The following CSMD1 variants were observed in gnomAD, a reference collection of about 807,000 sequenced individuals.
CSMD1 encodes CUB and Sushi multiple domains 1.
A neutral mutation model predicts 417.5 loss-of-function variants in CSMD1; 213 were observed. The observed-to-expected ratio is 0.51, with a 90% CI of 0.46 to 0.57. The LOEUF (loss-of-function observed/expected upper bound fraction) is 0.57, where lower values mean the gene tolerates loss of function less well. CSMD1 is among the 20% of genes least tolerant of loss of function. The pLI, the probability that CSMD1 is intolerant of heterozygous loss-of-function variation, is 0.00. For missense variants in CSMD1, 6,923 were observed against 4,529.7 expected, an observed-to-expected ratio of 1.53 and a Z score of -15.17; for synonymous variants, 2,862 against 1,736.8, an observed-to-expected ratio of 1.65 and a Z score of -16.11.
rs868525490 is a variant in CSMD1, at chr8:4,401,931, C to G, written c.415+18022G>C. Among the ~76,000 whole-genome samples, 4 of 152,010 alleles carry G rather than the reference C, an allele frequency of 2.6e-5. No individual in the cohort carries two copies. The South Asian group carries it at 6.2e-4, about 24-fold the overall frequency. On this transcript the variant is annotated intron_variant, in intron 3 of 69. Coordinates refer to ENST00000635120, the MANE Select transcript of CSMD1 (RefSeq NM_033225.6). Reference sequence around the variant, plus strand: ...GATCCTCTTATTGAAGCCATCCATCCCACCCTGCTCTCCCGTGCATTTGAT... The same window carrying G: ...GATCCTCTTATTGAAGCCATCCATCGCACCCTGCTCTCCCGTGCATTTGAT...
At chr8:4,323,035 G>A (rs781108862) in intron 3 of CSMD1, among the ~76,000 whole-genome samples, 1 of 152,180 alleles carries the variant, frequency 6.6e-6, no homozygotes, top group Admixed American at 6.5e-5. Flanking sequence ...AGGAATCTGA[G>A]AATAGAAAGA....
rs536486583 is a variant in CSMD1 at position 4,184,328 on chromosome 8, T to G, written c.416-152229A>C. On this transcript the variant is annotated intron_variant, in intron 3 of 69. Coordinates refer to ENST00000635120, the MANE Select transcript of CSMD1 (RefSeq NM_033225.6). Reference sequence around the variant, plus strand: ...TGAGGCTAACTCTTAAACATGAGTTTTAGACAAGTCATTAGTCATCAACAC... The same window carrying G: ...TGAGGCTAACTCTTAAACATGAGTTGTAGACAAGTCATTAGTCATCAACAC... 3.3e-5 allele frequency among the ~76,000 whole-genome samples: 5 copies of G among 152,284 alleles called. No homozygotes were observed. The East Asian group carries it at 9.7e-4, about 29-fold the overall frequency.
At chr8:3,868,060 C>A (rs1805228971) in intron 5 of CSMD1, among the ~76,000 whole-genome samples, 1 of 152,146 alleles carries the variant, frequency 6.6e-6, no homozygotes, top group Non-Finnish European at 1.5e-5. Flanking sequence ...GTCCCTATCA[C>A]CCATTGCCAT....
At chr8:4,387,949 T>C (rs1803567848) in intron 3 of CSMD1, among the ~76,000 whole-genome samples, 1 of 152,060 alleles carries the variant, frequency 6.6e-6, no homozygotes, top group African/African-American at 2.4e-5. Flanking sequence ...GGATTTCATG[T>C]CTGGTAATTT....
intron 1 of CSMD1, among the ~76,000 whole-genome samples, chr8:4,780,144 T>C (rs932132090): frequency 6.6e-6 from 1 of 152,182 alleles, no homozygotes; most frequent in African/African-American, 2.4e-5. Context: ...ACTTGTGCCA[T>C]AATTGGCCAG....
At chr8:4,156,572 C>T (rs980627562) in intron 3 of CSMD1, among the ~76,000 whole-genome samples, 2 of 152,048 alleles carry the variant, frequency 1.3e-5, no homozygotes, top group East Asian at 3.9e-4. Context: ...CTTCTATCCA[C>T]ATACCCAAAA....
intron 12 of CSMD1, among the ~76,000 whole-genome samples, chr8:3,429,148 T>C (rs1036019944): frequency 6.6e-6 from 1 of 152,186 alleles, no homozygotes; most frequent in Admixed American, 6.5e-5. Flanking sequence ...TTAACAATAT[T>C]GCATGGTATA....
chr8:3,352,665 C>A (rs891222454), intron 21 of CSMD1, among the ~76,000 whole-genome samples: 3 of 152,054 alleles, frequency 2.0e-5, no homozygotes, highest in Non-Finnish European at 4.4e-5. Flanking sequence ...CATGGTGAAA[C>A]CCTATCTCTA....
chr8:4,374,806 G>T (rs1015834427), intron 3 of CSMD1, among the ~76,000 whole-genome samples: 2 of 152,082 alleles, frequency 1.3e-5, no homozygotes, highest in African/African-American at 2.4e-5. Context: ...GGAGAGGATG[G>T]CAGGAAAACG....
At chr8:4,253,450 G>A (rs567735099) in intron 3 of CSMD1, among the ~76,000 whole-genome samples, 2 of 151,956 alleles carry the variant, frequency 1.3e-5, no homozygotes, top group Admixed American at 6.6e-5. Flanking sequence ...CACCATATCA[G>A]GACCTAATAA....
At chr8:3,819,684 T>C (rs1320436657) in intron 5 of CSMD1, among the ~76,000 whole-genome samples, 3 of 152,122 alleles carry the variant, frequency 2.0e-5, no homozygotes, top group Non-Finnish European at 2.9e-5. Flanking sequence ...ACTGGGGGTC[T>C]TAGGTGATCC....
chr8:4,360,948 G>A (rs1049178811), intron 3 of CSMD1, among the ~76,000 whole-genome samples: 1 of 152,076 alleles, frequency 6.6e-6, no homozygotes, highest in Admixed American at 6.6e-5. Flanking sequence ...ATCATTTCAT[G>A]GGACTTGAGG....
At chr8:3,973,325 G>A (rs1338507984) in intron 5 of CSMD1, among the ~76,000 whole-genome samples, 3 of 152,104 alleles carry the variant, frequency 2.0e-5, no homozygotes, top group Non-Finnish European at 4.4e-5. Flanking sequence ...TTGAATGTCT[G>A]CACTCTGCTT....
At chr8:4,404,335 G>A (rs939626935) in intron 3 of CSMD1, among the ~76,000 whole-genome samples, 5 of 152,072 alleles carry the variant, frequency 3.3e-5, no homozygotes, top group East Asian at 1.9e-4. Context: ...TTTCTCCACT[G>A]GAATTAAGAC....
At position 4,144,547 on chromosome 8, in the gene CSMD1, TAG is replaced by T. The variant is rs1444818386; in HGVS notation, c.416-112450_416-112449del. Among the ~76,000 whole-genome samples, 5 of 151,126 alleles carry T rather than the reference TAG, an allele frequency of 3.3e-5. 1 individual carries two copies. Among genetic ancestry groups the T allele is most frequent in the African/African-American group, 1.2e-4 (5 of 40,446 alleles). ...TTACCCCTTCCCTCCAGAATCTGGT[TAG>T]AGTCTCCTAATTGTTATCTGGATTG... On this transcript the variant is annotated intron_variant, in intron 3 of 69. Transcript: ENST00000635120.
At position 4,180,182 on chromosome 8, in the gene CSMD1, G is replaced by A. The variant is rs1398049875; in HGVS notation, c.416-148083C>T. ...GCAAAGACTTGGAACCAACCCAAAT[G>A]TCCAACAATGATAGACTGGATTAAG... On this transcript the variant is annotated intron_variant, in intron 3 of 69. Coordinates refer to ENST00000635120, the MANE Select transcript of CSMD1 (RefSeq NM_033225.6). Among the ~76,000 whole-genome samples the A allele has an allele frequency of 2.6e-5, 4 of 151,988 alleles. 1 individual carries two copies. Among genetic ancestry groups the A allele is most frequent in the African/African-American group, 9.7e-5 (4 of 41,370 alleles).
rs114568388 is a variant in CSMD1 at position 4,743,453 on chromosome 8, G to A, written c.86-105895C>T. Among the ~76,000 whole-genome samples the A allele has an allele frequency of 6.1e-3, 933 of 152,246 alleles. 8 individuals are homozygous for A. Among genetic ancestry groups the A allele is most frequent in the African/African-American group, 0.021 (881 of 41,556 alleles). On this transcript the variant is annotated intron_variant, in intron 1 of 69. Coordinates refer to ENST00000635120, the MANE Select transcript of CSMD1 (RefSeq NM_033225.6). ...ACGTGTGTCAAGAATGAGCAGAGTAGAGCGCTTCTCACGGGCCGGTCAGAA... is the reference window on the plus strand; with the variant it reads ...ACGTGTGTCAAGAATGAGCAGAGTAAAGCGCTTCTCACGGGCCGGTCAGAA...
chr8:4,365,014 T>C (rs964068058), intron 3 of CSMD1, among the ~76,000 whole-genome samples: 2 of 152,196 alleles, frequency 1.3e-5, no homozygotes, highest in African/African-American at 4.8e-5. Flanking sequence ...GGAACTCAGA[T>C]GATATTTTAT....
At chr8:4,590,174 T>TC (rs975518981) in intron 2 of CSMD1, among the ~76,000 whole-genome samples, 2 of 152,152 alleles carry the variant, frequency 1.3e-5, no homozygotes, top group African/African-American at 4.8e-5. Context: ...TTATGCTGTT[T>TC]TTTTTTTCTT....
Sources: allele counts gnomAD v4.1 joint callset (sites outside exome capture counted in the v4.1 genomes callset), GRCh38; gene constraint gnomAD v4.1.1; transcripts MANE v1.5; gene names NCBI Gene and HGNC (gene_info 2026-07-23, HGNC 2026-07-21).